Variants in B3GALT1 observed in about 807,000 individuals in gnomAD.
B3GALT1 encodes beta-1,3-galactosyltransferase 1, also known as UDP-Gal:betaGlcNAc beta 1,3-galactosyltransferase, polypeptide 1.
In B3GALT1, 10 loss-of-function variants were observed where a neutral mutation model predicts 23.2. The observed-to-expected ratio is 0.43, with a 90% CI of 0.27 to 0.73. The LOEUF (loss-of-function observed/expected upper bound fraction) is 0.73, where lower values mean the gene tolerates loss of function less well. Ranked by LOEUF, B3GALT1 falls within the 30% of genes least tolerant of loss-of-function variation. The pLI, the probability that B3GALT1 is intolerant of heterozygous loss-of-function variation, is 0.21. For missense variants in B3GALT1, 299 were observed against 405.4 expected (o/e 0.74, Z 2.25); for synonymous variants, 156 against 141.5 (o/e 1.10, Z -0.73).
chr2:167,591,519 G>A (rs187639416), intron 2 of B3GALT1, among the ~76,000 whole-genome samples: 2 of 152,234 alleles, frequency 1.3e-5, no homozygotes, highest in African/African-American at 4.8e-5. Flanking sequence ...CTTCTAGGGT[G>A]AAGTGCGGTG....
intron 1 of B3GALT1, among the ~76,000 whole-genome samples, chr2:167,480,498 A>G (rs530742437): frequency 1.1e-3 from 164 of 152,282 alleles, no homozygotes; most frequent in Non-Finnish European, 1.8e-3. Flanking sequence ...GTGGACTCCC[A>G]TGACATCAAG....
At chr2:167,862,003 G>A (rs1690110663) in intron 4 of B3GALT1, among the ~76,000 whole-genome samples, 1 of 152,172 alleles carries the variant, frequency 6.6e-6, no homozygotes, top group Non-Finnish European at 1.5e-5. Flanking sequence ...TGAGGCTCCT[G>A]CAACCTTGCC....
At chr2:167,527,333 A>G (rs1683239850) in intron 2 of B3GALT1, among the ~76,000 whole-genome samples, 1 of 151,882 alleles carries the variant, frequency 6.6e-6, no homozygotes, top group African/African-American at 2.4e-5. Context: ...TTTTTTTCCT[A>G]TTGGCTTCAG....
intron 1 of B3GALT1, among the ~76,000 whole-genome samples, chr2:167,337,740 A>T (rs1697082198): frequency 6.6e-6 from 1 of 152,184 alleles, no homozygotes; most frequent in Non-Finnish European, 1.5e-5. Flanking sequence ...AGCCATGTAA[A>T]ACTAATATCC....
intron 2 of B3GALT1, among the ~76,000 whole-genome samples, chr2:167,628,515 C>T (rs980183528): frequency 5.9e-5 from 9 of 151,716 alleles, no homozygotes; most frequent in African/African-American, 1.2e-4. Flanking sequence ...CCTGGCCTCC[C>T]GGCTTCACCT....
chr2:167,742,238 T>G (rs1418001032), intron 3 of B3GALT1, among the ~76,000 whole-genome samples: 1 of 152,206 alleles, frequency 6.6e-6, no homozygotes, highest in African/African-American at 2.4e-5. Flanking sequence ...CATTGTAGTA[T>G]GAGAGACAGT....
intron 2 of B3GALT1, among the ~76,000 whole-genome samples, chr2:167,497,300 G>A (rs1469882827): frequency 2.0e-5 from 3 of 152,026 alleles, no homozygotes; most frequent in Admixed American, 6.6e-5. Context: ...TGAAGCGGGA[G>A]GTATCTGAGC....
intron 3 of B3GALT1, among the ~76,000 whole-genome samples, chr2:167,726,929 C>A (rs1687326229): frequency 6.6e-6 from 1 of 152,138 alleles, no homozygotes; most frequent in Admixed American, 6.6e-5. Flanking sequence ...GCTCATTCAC[C>A]CTTGACCAAG....
At chr2:167,714,775 G>T in intron 3 of B3GALT1, 8 of 1,613,690 alleles carry the variant, frequency 5.0e-6, no homozygotes, top group African/African-American at 1.3e-5. Flanking sequence ...GCTTTCTATA[G>T]GTCTCCAGCT....
chr2:167,600,610 A>C (rs1558920551), intron 2 of B3GALT1, among the ~76,000 whole-genome samples: 3 of 151,894 alleles, frequency 2.0e-5, no homozygotes, highest in Non-Finnish European at 4.4e-5. Flanking sequence ...CCTTTGCTGG[A>C]TATCTCATAT....
intron 2 of B3GALT1, among the ~76,000 whole-genome samples, chr2:167,509,001 G>C (rs1054833569): frequency 3.3e-5 from 5 of 152,148 alleles, no homozygotes; most frequent in Non-Finnish European, 5.9e-5. Flanking sequence ...TAACCCTTTT[G>C]TTCCCAAAGA....
chr2:167,726,650 T>A (rs997494703), intron 3 of B3GALT1, among the ~76,000 whole-genome samples: 1 of 152,226 alleles, frequency 6.6e-6, no homozygotes, highest in Non-Finnish European at 1.5e-5. Flanking sequence ...CTCTATGAGA[T>A]AAAAATCATT....
intron 3 of B3GALT1, among the ~76,000 whole-genome samples, chr2:167,785,821 AC>A (rs1231921850): frequency 6.6e-6 from 1 of 152,048 alleles, no homozygotes. Flanking sequence ...ATGCATTTTT[AC>A]TCTGCTCTTT....
intron 1 of B3GALT1, among the ~76,000 whole-genome samples, chr2:167,478,191 C>A (rs1699512418): frequency 6.6e-6 from 1 of 152,178 alleles, no homozygotes; most frequent in Admixed American, 6.5e-5. Context: ...TAGATTAATG[C>A]AAAGGAGTTT....
At chr2:167,569,123 T>C (rs189018209) in intron 2 of B3GALT1, among the ~76,000 whole-genome samples, 1 of 152,128 alleles carries the variant, frequency 6.6e-6, no homozygotes, top group East Asian at 1.9e-4. Context: ...TTGATTACTG[T>C]AGCTTTACAG....
intron 2 of B3GALT1, among the ~76,000 whole-genome samples, chr2:167,559,055 C>A (rs940300494): frequency 2.1e-4 from 32 of 152,196 alleles, no homozygotes; most frequent in Non-Finnish European, 3.8e-4. Context: ...CTGGGAGGCA[C>A]CCCCCAGCAG....
At chr2:167,833,277 G>GAAAT (rs1372760431) in intron 4 of B3GALT1, among the ~76,000 whole-genome samples, 2 of 152,136 alleles carry the variant, frequency 1.3e-5, no homozygotes, top group African/African-American at 4.8e-5. Context: ...CTTTGTCCTT[G>GAAAT]AAATAAATAT....
intron 3 of B3GALT1, among the ~76,000 whole-genome samples, chr2:167,810,062 T>TTATCTCGGCA (rs1558986783): frequency 4.0e-5 from 6 of 151,506 alleles, no homozygotes; most frequent in African/African-American, 1.5e-4. Context: ...TGAGGCTCTG[T>TTATCTCGGCA]GGGCGTAGGA....
intron 1 of B3GALT1, among the ~76,000 whole-genome samples, chr2:167,422,508 G>A (rs1445101958): frequency 6.6e-6 from 1 of 152,234 alleles, no homozygotes; most frequent in African/African-American, 2.4e-5. Context: ...TTTCTTCAGA[G>A]ACAAGCTGAT....
Sources: allele counts gnomAD v4.1 joint callset (sites outside exome capture counted in the v4.1 genomes callset), GRCh38; gene constraint gnomAD v4.1.1; transcripts MANE v1.5; gene names NCBI Gene and HGNC (gene_info 2026-07-23, HGNC 2026-07-21).